Variants in SH3GL2 observed in about 807,000 individuals in gnomAD.
The protein encoded by SH3GL2 is SH3 domain containing GRB2 like 2, endophilin A1, also known as endophilin-A1.
Under a neutral mutation model 46.0 loss-of-function variants are expected in SH3GL2, and 24 were observed. That is an observed-to-expected ratio of 0.52 (90% CI 0.38 to 0.73). The LOEUF (loss-of-function observed/expected upper bound fraction) is 0.73. Ranked by LOEUF, SH3GL2 falls within the 30% of genes least tolerant of loss-of-function variation. The pLI, the probability that SH3GL2 is intolerant of heterozygous loss-of-function variation, is 0.00. For missense variants in SH3GL2, 413 were observed against 424.2 expected, an observed-to-expected ratio of 0.97 and a Z score of 0.23; for synonymous variants, 196 against 147.1, an observed-to-expected ratio of 1.33 and a Z score of -2.40.
chr9:17,583,659 A>T (rs1360499807), intron 1 of SH3GL2, among the ~76,000 whole-genome samples: 8 of 152,222 alleles, frequency 5.3e-5, no homozygotes, highest in African/African-American at 1.9e-4. Flanking sequence ...TGATTTTTTT[A>T]AATGATAAAA....
intron 1 of SH3GL2, among the ~76,000 whole-genome samples, chr9:17,739,503 G>T (rs946905007): frequency 2.0e-5 from 3 of 151,578 alleles, no homozygotes; most frequent in African/African-American, 7.3e-5. Context: ...TTTTCCTATT[G>T]CCAGGGATGG....
intron 1 of SH3GL2, among the ~76,000 whole-genome samples, chr9:17,745,564 AG>A (rs2131128312): frequency 6.6e-6 from 1 of 152,250 alleles, no homozygotes; most frequent in East Asian, 1.9e-4. Context: ...TCTGGTATGC[AG>A]GGCCAGAGTG....
chr9:17,580,230 G>A (rs1175186786), intron 1 of SH3GL2, among the ~76,000 whole-genome samples: 1 of 152,082 alleles, frequency 6.6e-6, no homozygotes, highest in Non-Finnish European at 1.5e-5. Flanking sequence ...GATCTTTAAG[G>A]ATTTTGATGA....
intron 1 of SH3GL2, among the ~76,000 whole-genome samples, chr9:17,740,433 C>T (rs966607824): frequency 7.0e-6 from 1 of 143,628 alleles, no homozygotes; most frequent in East Asian, 1.9e-4. Context: ...TTTCACTCTC[C>T]TGTTTCCCTC....
intron 7 of SH3GL2, 90 bp from the exon 8 acceptor site, chr9:17,793,277 C>T (rs759692512): frequency 1.7e-6 from 2 of 1,179,220 alleles, no homozygotes; most frequent in Non-Finnish European, 2.4e-6. Flanking sequence ...TGGTGGGTGA[C>T]CCAAGCATTT....
rs996272673 is a variant in SH3GL2 at position 17,624,213 on chromosome 9, A to G, written c.45+44926A>G. ...GTCCTTGCCAGGATGTCCAACCTGC[A>G]GGCACCTTATGCCCATCGGTGGCGA... is the stretch of plus-strand genomic sequence containing the variant. On this transcript the variant is annotated intron_variant, in intron 1 of 8. Transcript: ENST00000380607. Among the ~76,000 whole-genome samples, 6 of 152,354 alleles carry G rather than the reference A, an allele frequency of 3.9e-5. No homozygotes were observed. The East Asian group carries it at 7.7e-4, about 20-fold the overall frequency.
intron 1 of SH3GL2, among the ~76,000 whole-genome samples, chr9:17,581,683 GGTTT>G (rs1029058195): frequency 1.3e-4 from 19 of 151,996 alleles, no homozygotes; most frequent in African/African-American, 2.9e-4. Context: ...ATATAGCCTG[GGTTT>G]GTTTGTTTGT....
At position 17,791,324 on chromosome 9, in the gene SH3GL2, C is replaced by T. The variant is rs1178366036; in HGVS notation, c.718C>T (p.Leu240=). The change falls in exon 7 of 9, where the codon CTG becomes TTG. Residue 240 remains leucine (L), a synonymous_variant. Coordinates refer to ENST00000380607, the MANE Select transcript of SH3GL2 (RefSeq NM_003026.5). The part of the protein sequence containing the change: ...VQILQQVTVR[L]EERIRQASSQ... ...GATCCTGCAGCAAGTCACGGTCAGACTGGAAGAAAGGTATTCTACAGTTCC... is the reference window on the plus strand; with the variant it reads ...GATCCTGCAGCAAGTCACGGTCAGATTGGAAGAAAGGTATTCTACAGTTCC... 2 of 1,606,942 alleles carry T rather than the reference C, an allele frequency of 1.2e-6. No homozygotes were observed. Among genetic ancestry groups the T allele is most frequent in the Middle Eastern group, 1.7e-4 (1 of 6,032 alleles).
At chr9:17,640,244 G>C (rs1819645180) in intron 1 of SH3GL2, among the ~76,000 whole-genome samples, 1 of 151,906 alleles carries the variant, frequency 6.6e-6, no homozygotes. Flanking sequence ...GAAGCATTCT[G>C]CAGTGTTTCA....
chr9:17,579,979 T>A (rs376459197), intron 1 of SH3GL2, among the ~76,000 whole-genome samples: 23 of 152,340 alleles, frequency 1.5e-4, no homozygotes, highest in East Asian at 5.8e-4. Flanking sequence ...AAAATCATCA[T>A]GTATTTTAAA....
intron 1 of SH3GL2, among the ~76,000 whole-genome samples, chr9:17,584,362 G>C (rs1270935961): frequency 6.6e-6 from 1 of 152,148 alleles, no homozygotes; most frequent in African/African-American, 2.4e-5. Flanking sequence ...GATTAGCTGG[G>C]CGAGGTGGCA....
chr9:17,744,570 T>G (rs1458482200), intron 1 of SH3GL2, among the ~76,000 whole-genome samples: 1 of 152,128 alleles, frequency 6.6e-6, no homozygotes, highest in Non-Finnish European at 1.5e-5. Context: ...TCTTACTACG[T>G]TGCCCAGGCT....
intron 1 of SH3GL2, among the ~76,000 whole-genome samples, chr9:17,632,477 G>A (rs180882139): frequency 7.2e-4 from 110 of 152,204 alleles, no homozygotes; most frequent in Non-Finnish European, 6.9e-4. Flanking sequence ...TACATATTGG[G>A]CTGTCCGGGT....
At chr9:17,653,436 G>A (rs1820000842) in intron 1 of SH3GL2, among the ~76,000 whole-genome samples, 1 of 152,046 alleles carries the variant, frequency 6.6e-6, no homozygotes, top group East Asian at 1.9e-4. Flanking sequence ...CCTTTAAGAT[G>A]CCATCTGGAG....
chr9:17,649,786 G>C (rs964357474), intron 1 of SH3GL2, among the ~76,000 whole-genome samples: 24 of 152,298 alleles, frequency 1.6e-4, no homozygotes, highest in African/African-American at 5.5e-4. Context: ...AGCCTAAGTA[G>C]TTTTTCTTGC....
chr9:17,694,580 C>T (rs865989849), intron 1 of SH3GL2, among the ~76,000 whole-genome samples: 1 of 152,244 alleles, frequency 6.6e-6, no homozygotes. Flanking sequence ...TTTTCCCCTT[C>T]CACTGCAATA....
chr9:17,687,047 A>G (rs2118094831), intron 1 of SH3GL2, among the ~76,000 whole-genome samples: 1 of 152,226 alleles, frequency 6.6e-6, no homozygotes, highest in South Asian at 2.1e-4. Context: ...CGGAGTGATA[A>G]GAATGATCCC....
rs145879246 is a variant in SH3GL2, at chr9:17,632,468, A to G, written c.45+53181A>G. Among the ~76,000 whole-genome samples, 90 of 152,328 alleles carry G rather than the reference A, an allele frequency of 5.9e-4. 1 individual carries two copies. The highest frequency in any genetic ancestry group is 1.8e-3 in the African/African-American group (73 of 41,576). Reference sequence around the variant, plus strand: ...CTATACAAATGTCACTGTCAAAGCTACATATTGGGCTGTCCGGGTGATTTA... The same window carrying G: ...CTATACAAATGTCACTGTCAAAGCTGCATATTGGGCTGTCCGGGTGATTTA... On this transcript the variant is annotated intron_variant, in intron 1 of 8. Transcript: ENST00000380607.
At chr9:17,788,296 A>G (rs760838995) in intron 5 of SH3GL2, among the ~76,000 whole-genome samples, 7 of 152,106 alleles carry the variant, frequency 4.6e-5, no homozygotes, top group African/African-American at 7.2e-5. Flanking sequence ...TCTGACTCCA[A>G]TGCTGTACCC....
Sources: gnomAD v4.1 joint callset for allele counts (sites outside exome capture counted in the v4.1 genomes callset) on GRCh38, gnomAD v4.1.1 for gene constraint, MANE v1.5 for transcripts, NCBI Gene and HGNC (gene_info 2026-07-23, HGNC 2026-07-21) for gene names.